Variants in SLC1A7 observed in about 807,000 individuals in gnomAD.
The protein encoded by SLC1A7 is excitatory amino acid transporter 5.
In SLC1A7, 40 loss-of-function variants were observed where a neutral mutation model predicts 47.7. The ratio of observed to expected loss-of-function variants is 0.84; its 90% confidence interval spans 0.65 to 1.09. SLC1A7 has a LOEUF of 1.09. Among genes scored for constraint, SLC1A7 ranks in the 50% least tolerant of loss-of-function variants. The pLI, the probability that SLC1A7 is intolerant of heterozygous loss-of-function variation, is 0.00. For synonymous variants in SLC1A7, 323 were observed against 325.6 expected, an observed-to-expected ratio of 0.99 and a Z score of 0.09; for missense variants, 746 against 769.5, an observed-to-expected ratio of 0.97 and a Z score of 0.36.
chr1:53,137,822 G>T (rs1012517700), intron 1 of SLC1A7, among the ~76,000 whole-genome samples: 7 of 152,158 alleles, frequency 4.6e-5, no homozygotes, highest in Non-Finnish European at 7.3e-5. Flanking sequence ...CCACCTTCCT[G>T]CTCCAGTTTG....
intron 10 of SLC1A7, 66 bp downstream of exon 10, chr1:53,088,811 T>A: frequency 7.8e-7 from 1 of 1,275,386 alleles, no homozygotes; most frequent in Non-Finnish European, 1.1e-6. Flanking sequence ...TGGTGGAAGA[T>A]CTGGTGCCCT....
intron 5 of SLC1A7, among the ~76,000 whole-genome samples, chr1:53,100,411 TCA>T (rs986665465): frequency 4.7e-5 from 7 of 150,488 alleles, no homozygotes; most frequent in South Asian, 4.2e-4. Flanking sequence ...CTCAGTACAC[TCA>T]CACGTCTTGT....
intron 5 of SLC1A7, chr1:53,102,344 G>T (rs1430690591): frequency 6.6e-6 from 1 of 152,296 alleles, no homozygotes; most frequent in Non-Finnish European, 1.5e-5. Context: ...GCCTGTATGG[G>T]GCTGGTCATG....
chr1:53,142,250 C>G, intron 1 of SLC1A7, 65 bp downstream of exon 1: 1 of 1,511,630 alleles, frequency 6.6e-7, no homozygotes, highest in Non-Finnish European at 8.9e-7. Flanking sequence ...AGAACGGGAC[C>G]CCAGATCCCT....
chr1:53,124,510 G>A (rs568082406), intron 2 of SLC1A7, among the ~76,000 whole-genome samples: 1 of 152,272 alleles, frequency 6.6e-6, no homozygotes, highest in Non-Finnish European at 1.5e-5. Context: ...TCCAGATGCT[G>A]GTCTGACTTA....
chr1:53,106,190 C>T (rs1350499167), intron 3 of SLC1A7, among the ~76,000 whole-genome samples: 1 of 152,064 alleles, frequency 6.6e-6, no homozygotes, highest in Non-Finnish European at 1.5e-5. Flanking sequence ...TCTGCCTCCC[C>T]CATATAGTGG....
intron 2 of SLC1A7, among the ~76,000 whole-genome samples, chr1:53,119,787 T>C (rs1572335791): frequency 6.6e-6 from 1 of 152,224 alleles, no homozygotes; most frequent in African/African-American, 2.4e-5. Context: ...AGGTGGATCC[T>C]GGATGGCCAC....
intron 1 of SLC1A7, among the ~76,000 whole-genome samples, chr1:53,138,413 T>A (rs1198303774): frequency 6.6e-6 from 1 of 152,226 alleles, no homozygotes; most frequent in East Asian, 1.9e-4. Flanking sequence ...TCTAAAAGTG[T>A]CATTAGGTAG....
At chr1:53,109,824 G>A (rs1053541457) in intron 3 of SLC1A7, among the ~76,000 whole-genome samples, 1 of 152,192 alleles carries the variant, frequency 6.6e-6, no homozygotes, top group African/African-American at 2.4e-5. Context: ...CAGCCCTGGG[G>A]TGGGGGCGTG....
chr1:53,122,706 C>T (rs1408974035), intron 2 of SLC1A7, among the ~76,000 whole-genome samples: 2 of 152,130 alleles, frequency 1.3e-5, no homozygotes, highest in Admixed American at 6.5e-5. Context: ...AATTCCTCCA[C>T]CACCTCTGCT....
intron 9 of SLC1A7, 101 bp downstream of exon 9, chr1:53,089,699 C>T (rs1294398980): frequency 7.7e-7 from 1 of 1,291,878 alleles, no homozygotes; most frequent in Non-Finnish European, 1.1e-6. Context: ...AGTCCCCAGC[C>T]TTCTACCCTG....
At chr1:53,111,646 G>T (rs1283062401) in intron 3 of SLC1A7, among the ~76,000 whole-genome samples, 1 of 152,216 alleles carries the variant, frequency 6.6e-6, no homozygotes, top group African/African-American at 2.4e-5. Context: ...ACCAAGATGG[G>T]CAGGGCGAGA....
In SLC1A7 at chr1:53,096,885, C is replaced by T. The variant is rs576281347; in HGVS notation, c.698-3325G>A. Among the ~76,000 whole-genome samples the T allele has an allele frequency of 8.3e-4, 126 of 151,128 alleles. 1 individual carries two copies. The highest frequency in any genetic ancestry group is 2.4e-3 in the African/African-American group (98 of 41,114). ...CTCACTTTGCCTCGATACACTCACA[C>T]GACCTGCCTCGGTACACTCACACAC... is the stretch of plus-strand genomic sequence containing the variant. On this transcript the variant is annotated intron_variant, in intron 5 of 10. Transcript: ENST00000371494.
intron 4 of SLC1A7, among the ~76,000 whole-genome samples, chr1:53,104,601 A>G (rs943924323): frequency 6.6e-6 from 1 of 152,202 alleles, no homozygotes; most frequent in Non-Finnish European, 1.5e-5. Flanking sequence ...CCCAATTACA[A>G]TAGAAACTCC....
At chr1:53,130,785 G>T (rs1374114253) in intron 2 of SLC1A7, among the ~76,000 whole-genome samples, 1 of 152,162 alleles carries the variant, frequency 6.6e-6, no homozygotes, top group Non-Finnish European at 1.5e-5. Context: ...TGGTGATTTT[G>T]CTCTGCCCTG....
rs925258824 is a variant in SLC1A7 at position 53,087,293 on chromosome 1, G to A, written c.*716C>T. ...GGCCTTTGGGGAGTTCTGACACCAGGGCCCCATCGGCAGCTCCACCAGAGC... is the reference window on the plus strand; with the variant it reads ...GGCCTTTGGGGAGTTCTGACACCAGAGCCCCATCGGCAGCTCCACCAGAGC... On this transcript the variant is annotated 3_prime_UTR_variant, in exon 11 of 11. Transcript: ENST00000371494. 3 of 152,230 alleles carry A rather than the reference G, an allele frequency of 2.0e-5. No individual in the cohort carries two copies. Among genetic ancestry groups the A allele is most frequent in the African/African-American group, 7.2e-5 (3 of 41,448 alleles). The allele number at this position is 152,230 out of a possible 1,614,324, so 9.4% of individuals were successfully genotyped here.
intron 1 of SLC1A7, among the ~76,000 whole-genome samples, chr1:53,141,529 G>A (rs1645056294): frequency 6.6e-6 from 1 of 152,026 alleles, no homozygotes. Context: ...GATGGGGGCT[G>A]ACAGGGAAAG....
intron 2 of SLC1A7, among the ~76,000 whole-genome samples, chr1:53,118,843 C>G (rs1263154261): frequency 6.6e-6 from 1 of 151,954 alleles, no homozygotes; most frequent in African/African-American, 2.4e-5. Flanking sequence ...ACTAAAAATA[C>G]AAAATTAGCC....
intron 4 of SLC1A7, 89 bp from the exon 5 acceptor site, chr1:53,103,657 A>G: frequency 2.8e-6 from 2 of 702,364 alleles, no homozygotes; most frequent in South Asian, 1.9e-5. Context: ...TTGAAGGCAC[A>G]TTTGTATCCA....
Sources: allele counts gnomAD v4.1 joint callset (sites outside exome capture counted in the v4.1 genomes callset), GRCh38; gene constraint gnomAD v4.1.1; transcripts MANE v1.5; gene names NCBI Gene and HGNC (gene_info 2026-07-23, HGNC 2026-07-21).